CHD6: variants seen among roughly 807,000 people sequenced by gnomAD.
CHD6 encodes the protein chromodomain helicase DNA binding protein 6.
A neutral mutation model predicts 276.9 loss-of-function variants in CHD6; 50 were observed. The ratio of observed to expected loss-of-function variants is 0.18; its 90% CI spans 0.14 to 0.23. The LOEUF is 0.23. Among genes scored for constraint, CHD6 ranks in the 10% least tolerant of loss-of-function variants. CHD6 has a pLI of 1.00. For synonymous variants in CHD6, 1,173 were observed against 1,229.3 expected (o/e 0.95, Z 0.96); for missense variants, 2,564 against 3,365.8 (o/e 0.76, Z 5.89).
chr20:41,591,458 A>T (rs375886001), intron 1 of CHD6, among the ~76,000 whole-genome samples: 1 of 151,820 alleles, frequency 6.6e-6, no homozygotes, highest in African/African-American at 2.4e-5. Flanking sequence ...TGGGAGGCCA[A>T]GGTGGGCAGA....
chr20:41,580,645 C>CAAAAAAAAA (rs373733112), intron 1 of CHD6, among the ~76,000 whole-genome samples: 18 of 69,266 alleles, frequency 2.6e-4, no homozygotes, highest in Non-Finnish European at 3.6e-4. Context: ...AACCCAGTCT[C>CAAAAAAAAA]AAAAAAAAAA....
At chr20:41,607,691 T>C (rs1160264037) in intron 1 of CHD6, among the ~76,000 whole-genome samples, 1 of 141,898 alleles carries the variant, frequency 7.0e-6, no homozygotes, top group Non-Finnish European at 1.5e-5. Flanking sequence ...GGAAGGAAAA[T>C]ATCTGGATGG....
chr20:41,597,015 C>G (rs2045724677), intron 1 of CHD6, among the ~76,000 whole-genome samples: 1 of 151,998 alleles, frequency 6.6e-6, no homozygotes, highest in South Asian at 2.1e-4. Flanking sequence ...GAACTTAAGC[C>G]CCCACTCACT....
rs1457661716 is a variant in CHD6 at position 41,473,436 on chromosome 20, T to G, written c.2550A>C (p.Ser850=). 22 of 1,614,150 alleles carry G rather than the reference T, an allele frequency of 1.4e-5. No homozygotes were observed. In the Admixed American group the frequency reaches 1.8e-4, roughly 13 times the overall value. ...AAIDRFCKPD[S]DRFVFLLCTR... is the part of the protein sequence containing the mutation. ...TGCACAGAAGAAAGACAAAGCGGTC[T>G]GAATCTGGCTTACAGAACCGGTCGA... Residue 850 remains serine (S), a synonymous_variant, in exon 17 of 37, where the codon TCA becomes TCC. Transcript: ENST00000373233. The surrounding 1 kb of genome is among the most constrained non-coding windows in gnomAD (Gnocchi z 4.1).
Position 41,455,857 on chromosome 20 carries a change from C to T in CHD6, c.2952G>A (p.Gln984=). The change falls in exon 19 of 37, where the codon CAG becomes CAA. Residue 984 remains glutamine, a synonymous_variant. Coordinates refer to ENST00000373233, the MANE Select transcript of CHD6 (RefSeq NM_032221.5). ...FCEEDIDQIL[Q]RRTHTITIQS... ...GGATGGTGATGGTGTGCGTTCGCCTCTGCAGAATCTGGTCTATGTCTTCTT... is the reference window on the plus strand; with the variant it reads ...GGATGGTGATGGTGTGCGTTCGCCTTTGCAGAATCTGGTCTATGTCTTCTT... The T allele has an allele frequency of 3.1e-6, 5 of 1,612,630 alleles. No individual in the cohort carries two copies. The highest frequency in any genetic ancestry group is 4.2e-6 in the Non-Finnish European group (5 of 1,179,450).
intron 27 of CHD6, among the ~76,000 whole-genome samples, chr20:41,433,835 G>C (rs2047619946): frequency 6.6e-6 from 1 of 152,092 alleles, no homozygotes; most frequent in South Asian, 2.1e-4. Context: ...GAACAAAAAT[G>C]GAAGTAAGGT....
intron 1 of CHD6, among the ~76,000 whole-genome samples, chr20:41,588,306 C>T (rs73613219): frequency 0.022 from 3,318 of 152,252 alleles, 47 homozygotes; most frequent in South Asian, 0.041. Context: ...ATCTGAGTTG[C>T]GCTGGCACTG....
At chr20:41,500,972 G>A (rs989502785) in intron 5 of CHD6, among the ~76,000 whole-genome samples, 3 of 152,054 alleles carry the variant, frequency 2.0e-5, no homozygotes, top group South Asian at 2.1e-4. Context: ...CTGTCAGGAC[G>A]GTAACAGCAA....
At position 41,429,881 on chromosome 20, in the gene CHD6, G is replaced by A. The variant is rs776863557; in HGVS notation, c.4069-3728C>T. ...ACTGAGACCACTCAGGCTTGTGCCA[G>A]GGCTCCTTGCAATGCTAAGACTCTA... On this transcript the variant is annotated intron_variant, in intron 27 of 36. Transcript: ENST00000373233. 2.4e-4 allele frequency among the ~76,000 whole-genome samples: 36 copies of A among 152,214 alleles called. 1 individual carries two copies. The highest frequency in any genetic ancestry group is 5.2e-4 in the Admixed American group (8 of 15,288).
At chr20:41,592,440 A>G (rs558141587) in intron 1 of CHD6, among the ~76,000 whole-genome samples, 1 of 152,238 alleles carries the variant, frequency 6.6e-6, no homozygotes, top group African/African-American at 2.4e-5. Context: ...TGAGAAAGAT[A>G]GTTTTCCTCA....
intron 17 of CHD6, among the ~76,000 whole-genome samples, chr20:41,457,692 C>A (rs1171500770): frequency 6.6e-6 from 1 of 152,210 alleles, no homozygotes; most frequent in South Asian, 2.1e-4. Context: ...CCTGTGCCCC[C>A]GCCCTGCTGT....
At chr20:41,434,110 A>G (rs2047628073) in intron 27 of CHD6, among the ~76,000 whole-genome samples, 1 of 152,200 alleles carries the variant, frequency 6.6e-6, no homozygotes, top group East Asian at 1.9e-4. Flanking sequence ...AATAATATCA[A>G]CTAGAAGACA....
chr20:41,497,749 G>C, intron 7 of CHD6: 1 of 517,958 alleles, frequency 1.9e-6, no homozygotes, highest in Admixed American at 3.2e-5. Context: ...AACAGAGGCA[G>C]GGCAGCTGTG....
In CHD6 at chr20:41,521,221, A is replaced by T. The variant is rs547399594; in HGVS notation, c.555-6269T>A. Among the ~76,000 whole-genome samples, 121 of 152,328 alleles carry T rather than the reference A, an allele frequency of 7.9e-4. 1 individual carries two copies. Among genetic ancestry groups the T allele is most frequent in the African/African-American group, 2.7e-3 (111 of 41,578 alleles). On this transcript the variant is annotated intron_variant, in intron 3 of 36. Transcript: ENST00000373233. ...AGTAGTATAACTACACCTCACAGAG[A>T]ATAAAACCCCTTCCATTAATTGATT... is the stretch of plus-strand genomic sequence containing the variant.
rs773477562 is a variant in CHD6 at position 41,533,338 on chromosome 20, C to T, written c.266G>A (p.Gly89Asp). 6.2e-7 allele frequency: 1 copy of T among 1,614,080 alleles called. No individual in the cohort carries two copies. The highest frequency in any genetic ancestry group is 2.2e-5 in the East Asian group (1 of 44,864). Residue 89 changes from glycine to aspartate, a missense_variant, in exon 3 of 37, where the codon GGT becomes GAT. By Grantham distance (94) the Gly-to-Asp change is moderately conservative (BLOSUM62 -1). Around this residue, in one of 7 missense-constraint regions of CHD6, gnomAD observed 286 missense variants for 297.8 expected, o/e 0.96. Transcript: ENST00000373233. The part of the protein sequence containing the change: ...HNGMEDSGGG[G>D]TGVKKKRKKK... The stretch of plus-strand genomic sequence containing the variant: ...CTTCCGTTTCTTCTTCACTCCAGTA[C>T]CTCCTCCTCCACTGTCCTCCATCCC...
At chr20:41,448,576 A>G (rs2048140185) in intron 23 of CHD6, among the ~76,000 whole-genome samples, 1 of 152,220 alleles carries the variant, frequency 6.6e-6, no homozygotes, top group Non-Finnish European at 1.5e-5. Flanking sequence ...ATAGGTATAT[A>G]ACAAAAGTAA....
At chr20:41,470,995 C>A (rs2145772146) in intron 17 of CHD6, among the ~76,000 whole-genome samples, 1 of 152,370 alleles carries the variant, frequency 6.6e-6, no homozygotes, top group East Asian at 1.9e-4. Flanking sequence ...AGCTGCCATG[C>A]CTCACAGTCA....
chr20:41,544,335 T>A (rs926833470), intron 2 of CHD6, among the ~76,000 whole-genome samples: 4 of 152,166 alleles, frequency 2.6e-5, no homozygotes, highest in Admixed American at 2.6e-4. Context: ...AAATCCTTCA[T>A]CATCACTTTG....
At chr20:41,567,605 A>AT (rs2045370908) in intron 1 of CHD6, among the ~76,000 whole-genome samples, 1 of 151,746 alleles carries the variant, frequency 6.6e-6, no homozygotes, top group East Asian at 1.9e-4. Context: ...TCAGGTACTG[A>AT]TGAAAAAAAA....
Sources: allele counts gnomAD v4.1 joint callset (sites outside exome capture counted in the v4.1 genomes callset), GRCh38; gene constraint gnomAD v4.1.1; regional missense constraint gnomAD v4.1.1; non-coding constraint Gnocchi (gnomAD v3.1); transcripts MANE v1.5; gene names NCBI Gene and HGNC (gene_info 2026-07-23, HGNC 2026-07-21).